ATN1: variants seen among roughly 807,000 people sequenced by gnomAD.
The protein encoded by ATN1 is atrophin-1.
Under a neutral mutation model 85.8 loss-of-function variants are expected in ATN1, and 19 were observed. The observed-to-expected ratio is 0.22, with a 90% confidence interval of 0.15 to 0.32. The LOEUF (loss-of-function observed/expected upper bound fraction) is 0.32. Among genes scored for constraint, ATN1 ranks in the 10% least tolerant of loss-of-function variants. ATN1 has a pLI of 1.00. For missense variants in ATN1, 1,453 were observed against 1,564.5 expected, an observed-to-expected ratio of 0.93 and a Z score of 1.20; for synonymous variants, 674 against 657.0, an observed-to-expected ratio of 1.03 and a Z score of -0.39.
intron 1 of ATN1, among the ~76,000 whole-genome samples, chr12:6,929,375 GACT>G (rs1945435026): frequency 6.6e-6 from 1 of 152,156 alleles, no homozygotes; most frequent in African/African-American, 2.4e-5. Flanking sequence ...GGCTTATTTT[GACT>G]AGGGTAGGTA....
Position 6,936,767 on chromosome 12 carries a change from G to GCAGCAGCATCAC in ATN1, c.1501_1512dup (p.Gln501_His504dup), listed in dbSNP as rs1555143794. The GCAGCAGCATCAC allele has an allele frequency of 6.9e-7, 1 of 1,439,406 alleles. No homozygotes were observed. The highest frequency in any genetic ancestry group is 1.9e-5 in the Admixed American group (1 of 52,140). 89.2% of individuals were successfully genotyped at this position (1,439,406 alleles called of 1,614,324 possible). Reference sequence around the variant, plus strand: ...AGCAGCAGCAGCAGCAGCAGCAGCAGCAGCAGCATCACGGAAACTCTGGGC... The same window carrying GCAGCAGCATCAC: ...AGCAGCAGCAGCAGCAGCAGCAGCAGCAGCAGCATCACCAGCAGCATCACGGAAACTCTGGGC... On this transcript the variant is annotated inframe_insertion, in exon 5 of 10. Coordinates refer to ENST00000396684, the MANE Select transcript of ATN1 (RefSeq NM_001940.4).
upstream of ATN1, among the ~76,000 whole-genome samples, chr12:6,926,065 G>C (rs147841941): frequency 1.3e-3 from 201 of 152,340 alleles, 4 homozygotes; most frequent in South Asian, 0.04. Context: ...GAAGGAACTG[G>C]TGGTGGGCTG....
chr12:6,926,710 C>T (rs1326877883), upstream of ATN1, among the ~76,000 whole-genome samples: 1 of 152,032 alleles, frequency 6.6e-6, no homozygotes, highest in Non-Finnish European at 1.5e-5. Flanking sequence ...TGACAAGTGA[C>T]CCACCCGACT....
chr12:6,926,308 A>G (rs782614221), upstream of ATN1, among the ~76,000 whole-genome samples: 27 of 152,068 alleles, frequency 1.8e-4, no homozygotes, highest in African/African-American at 6.5e-4. Flanking sequence ...GATGACTTTC[A>G]ACAGATTTGA....
chr12:6,940,039 TG>T (rs1945613119), intron 7 of ATN1, among the ~76,000 whole-genome samples: 1 of 152,272 alleles, frequency 6.6e-6, no homozygotes, highest in African/African-American at 2.4e-5. Context: ...TGGAGTGCAG[TG>T]GCGCGATCTC....
At chr12:6,926,806 C>T (rs1945403280), upstream of ATN1, among the ~76,000 whole-genome samples, 1 of 152,078 alleles carries the variant, frequency 6.6e-6, no homozygotes, top group South Asian at 2.1e-4. Context: ...GATCTTTCCT[C>T]TTCCATACTG....
intron 1 of ATN1, among the ~76,000 whole-genome samples, chr12:6,928,600 A>T (rs1945426300): frequency 6.6e-6 from 1 of 152,092 alleles, no homozygotes; most frequent in East Asian, 1.9e-4. Flanking sequence ...GTCGGGGGCC[A>T]GGGTTTCGGG....
upstream of ATN1, among the ~76,000 whole-genome samples, chr12:6,927,355 C>G (rs782639283): frequency 1.3e-5 from 2 of 152,150 alleles, no homozygotes; most frequent in South Asian, 2.1e-4. Flanking sequence ...TCACTTCTCA[C>G]CAGGCACCCA....
In ATN1 at chr12:6,938,835, G is replaced by A; in HGVS notation, c.2872G>A (p.Glu958Lys). The A allele has an allele frequency of 6.2e-7, 1 of 1,614,156 alleles. No homozygotes were observed. The highest frequency in any genetic ancestry group is 8.5e-7 in the Non-Finnish European group (1 of 1,180,030). ...PGFEVKPSEL[E>K]PLHGVPGPGL... ...CTTTGAGGTGAAGCCTAGTGAGCTGGAACCCCTACATGGGGTCCCTGGGCC... is the reference window on the plus strand; with the variant it reads ...CTTTGAGGTGAAGCCTAGTGAGCTGAAACCCCTACATGGGGTCCCTGGGCC... The change falls in exon 7 of 10, where the codon GAA becomes AAA. Residue 958 changes from glutamate (E) to lysine (K), a missense_variant. Around this residue, in one of 6 missense-constraint regions of ATN1, gnomAD observed 208 missense variants for 263.4 expected, o/e 0.79. Coordinates refer to ENST00000396684, the MANE Select transcript of ATN1 (RefSeq NM_001940.4).
In ATN1 at chr12:6,935,589, T is replaced by A. The variant is rs782597407; in HGVS notation, c.322T>A (p.Leu108Met). Residue 108 changes from leucine (L) to methionine (M), a missense_variant, in exon 5 of 10, where the codon TTG becomes ATG. Physicochemically the swap from Leu to Met is conservative, Grantham distance 15. Around this residue, in one of 6 missense-constraint regions of ATN1, gnomAD observed 130 missense variants for 158.2 expected, o/e 0.82. Transcript: ENST00000396684. This position sits in a 1 kb window ranked among gnomAD's most constrained non-coding sequence, Gnocchi z 5.3. Reference protein sequence around the residue: ...RPQSPSDLDSLDGRSLNDDGS... With the variant: ...RPQSPSDLDSMDGRSLNDDGS... ...ACAGTCTCCCTCCGATCTGGATAGC[T>A]TGGACGGGCGGAGCCTTAATGATGA... 6.2e-7 allele frequency: 1 copy of A among 1,613,912 alleles called. No homozygotes were observed. The highest frequency in any genetic ancestry group is 8.5e-7 in the Non-Finnish European group (1 of 1,179,890).
In ATN1 at chr12:6,938,620, T is replaced by G. The variant is rs1217286757; in HGVS notation, c.2657T>G (p.Leu886Arg). Residue 886 changes from leucine (L) to arginine (R), a missense_variant, in exon 7 of 10, where the codon CTC (leucine) becomes CGC (arginine). Transcript: ENST00000396684. ...CCTGACACTCCAGCCTTGCGCACTCTCAGTGAATATGCCCGGCCTCATGTC... is the reference window on the plus strand; with the variant it reads ...CCTGACACTCCAGCCTTGCGCACTCGCAGTGAATATGCCCGGCCTCATGTC... ...LGPDTPALRT[L>R]SEYARPHVMS... 2 of 1,614,074 alleles carry G rather than the reference T, an allele frequency of 1.2e-6. No individual in the cohort carries two copies. Among genetic ancestry groups the G allele is most frequent in the Non-Finnish European group, 1.7e-6 (2 of 1,180,034 alleles).
At position 6,937,169 on chromosome 12, in the gene ATN1, T is replaced by C. The variant is rs1945555285; in HGVS notation, c.1902T>C (p.Pro634=). Residue 634 remains proline (P), a synonymous_variant, in exon 5 of 10, where the codon CCT becomes CCC. Coordinates refer to ENST00000396684, the MANE Select transcript of ATN1 (RefSeq NM_001940.4). The surrounding 1 kb of genome is among the most constrained non-coding windows in gnomAD (Gnocchi z 6.0). ...SPAGYKTASP[P]GPPPYGKRAP... The stretch of plus-strand genomic sequence containing the variant: ...CAGGCTACAAAACGGCCTCCCCACC[T>C]GGGCCCCCACCGTACGGAAAGAGAG... 2.5e-6 allele frequency: 4 copies of C among 1,611,080 alleles called. No individual in the cohort carries two copies. The highest frequency in any genetic ancestry group is 3.4e-6 in the Non-Finnish European group (4 of 1,179,748).
chr12:6,927,524 T>C (rs1945410050), upstream of ATN1, among the ~76,000 whole-genome samples: 1 of 145,106 alleles, frequency 6.9e-6, no homozygotes, highest in Non-Finnish European at 1.5e-5. Flanking sequence ...CAGCCCCTCC[T>C]ACCTAGCCCT....
At chr12:6,932,401 G>T (rs145292766) in intron 1 of ATN1, among the ~76,000 whole-genome samples, 3 of 152,172 alleles carry the variant, frequency 2.0e-5, no homozygotes, top group Admixed American at 1.3e-4. Flanking sequence ...CAAGAAGAGC[G>T]CACACACATC....
chr12:6,938,432 C>T lies in ATN1; in HGVS notation c.2518-49C>T, dbSNP rs782774581. On this transcript the variant is annotated intron_variant, in intron 6 of 9. Coordinates refer to ENST00000396684, the MANE Select transcript of ATN1 (RefSeq NM_001940.4). ...AAATGGGCAGCTTAAAACCAGCCAC[C>T]TCTTTTCATAACTGCCGCTTTGACT... The T allele has an allele frequency of 3.4e-5, 53 of 1,550,122 alleles. 2 individuals are homozygous for T. In the South Asian group the frequency reaches 6.0e-4, roughly 18 times the overall value.
chr12:6,934,005 A>G lies in ATN1; in HGVS notation c.4A>G (p.Lys2Glu). The G allele has an allele frequency of 6.2e-7, 1 of 1,606,322 alleles. No homozygotes were observed. The highest frequency in any genetic ancestry group is 8.5e-7 in the Non-Finnish European group (1 of 1,176,398). The change falls in exon 2 of 10, where the codon AAG becomes GAG. Residue 2 changes from lysine (K) to glutamate (E), a missense_variant. Transcript: ENST00000396684. This position sits in a 1 kb window ranked among gnomAD's most constrained non-coding sequence, Gnocchi z 4.5. M[K>E]TRQNKDSMSM... ...TGGGGTCTCCACAGCCTGAAGAATG[A>G]AGACACGACAGAATAAAGACTCGGT...
Position 6,937,869 on chromosome 12 carries a change from C to G in ATN1, c.2319C>G (p.Gly773=). 1 of 1,585,718 alleles carries G rather than the reference C, an allele frequency of 6.3e-7. No individual in the cohort carries two copies. The highest frequency in any genetic ancestry group is 1.1e-5 in the South Asian group (1 of 87,298). Residue 773 remains glycine (G), a synonymous_variant, in exon 6 of 10, where the codon GGC becomes GGG. Transcript: ENST00000396684. This position sits in a 1 kb window ranked among gnomAD's most constrained non-coding sequence, Gnocchi z 6.0. ...SARFNKHLDR[G]FNSCARSDLY... is the part of the protein sequence containing the mutation. ...GGTTCAACAAACACCTGGATCGCGG[C>G]TTCAACTCGTGCGCGCGCAGCGACC...
At chr12:6,929,554 G>A (rs1289830568) in intron 1 of ATN1, among the ~76,000 whole-genome samples, 1 of 152,108 alleles carries the variant, frequency 6.6e-6, no homozygotes, top group Non-Finnish European at 1.5e-5. Flanking sequence ...TTGGTTGGGG[G>A]GGCTTCGAAT....
intron 1 of ATN1, among the ~76,000 whole-genome samples, chr12:6,933,569 CTG>C (rs1473082503): frequency 6.6e-6 from 1 of 152,174 alleles, no homozygotes; most frequent in African/African-American, 2.4e-5. Flanking sequence ...GAAGGGTAAA[CTG>C]TGTGATCTCC....
Sources: gnomAD v4.1 joint callset for allele counts (sites outside exome capture counted in the v4.1 genomes callset) on GRCh38, gnomAD v4.1.1 for gene constraint, gnomAD v4.1.1 regional missense constraint, Gnocchi (gnomAD v3.1) non-coding constraint, MANE v1.5 for transcripts, NCBI Gene and HGNC (gene_info 2026-07-23, HGNC 2026-07-21) for gene names.